The following PLCG1 variants were observed in gnomAD, a reference collection of about 807,000 sequenced individuals.
The protein encoded by PLCG1 is phospholipase C gamma 1, also known as 1-phosphatidylinositol 4,5-bisphosphate phosphodiesterase gamma-1.
PLCG1 carries 71 observed loss-of-function variants against 177.8 expected under a neutral mutation model. The ratio of observed to expected loss-of-function variants is 0.40; its 90% confidence interval spans 0.33 to 0.49. PLCG1 has a LOEUF of 0.49. Among genes scored for constraint, PLCG1 ranks in the 20% least tolerant of loss-of-function variants. The pLI, the probability that PLCG1 is intolerant of heterozygous loss-of-function variation, is 0.72. For missense variants in PLCG1, 1,281 were observed against 1,709.0 expected (o/e 0.75, Z 4.42); for synonymous variants, 658 against 647.9 (o/e 1.02, Z -0.24).
At position 41,167,582 on chromosome 20, in the gene PLCG1, CAG is replaced by C; in HGVS notation, c.2302-268_2302-267del. ...GTGAAGGGCCCACCTGCACATAGCT[CAG>C]AAATACTTGGGAGTTTGGGCATTTA... On this transcript the variant is annotated intron_variant, in intron 19 of 31. Coordinates refer to ENST00000685551, the MANE Select transcript of PLCG1 (RefSeq NM_002660.3). This position sits in a 1 kb window ranked among gnomAD's most constrained non-coding sequence, Gnocchi z 4.4. The C allele has an allele frequency of 2.0e-6, 1 of 490,130 alleles. No homozygotes were observed. Among genetic ancestry groups the C allele is most frequent in the South Asian group, 2.3e-5 (1 of 42,812 alleles). 30.4% of individuals were successfully genotyped at this position (490,130 alleles called of 1,614,324 possible).
intron 1 of PLCG1, among the ~76,000 whole-genome samples, chr20:41,145,150 A>G (rs1309836780): frequency 1.3e-5 from 2 of 152,166 alleles, no homozygotes; most frequent in African/African-American, 2.4e-5. Context: ...CCCACATATC[A>G]ATGGCTGGCA....
chr20:41,175,743 G>A lies in PLCG1; in HGVS notation c.*1234G>A, dbSNP rs930563273. ...TTTCCTTTGACTTGTATGCTCTTTC[G>A]GGGGCTCAGGAAAGCCTGTTGCATG... is the stretch of plus-strand genomic sequence containing the variant. On this transcript the variant is annotated 3_prime_UTR_variant, in exon 32 of 32. Transcript: ENST00000685551. 7 of 152,554 alleles carry A rather than the reference G, an allele frequency of 4.6e-5. 1 individual carries two copies. Among genetic ancestry groups the A allele is most frequent in the African/African-American group, 1.4e-4 (6 of 41,414 alleles). The allele number at this position is 152,554 out of a possible 1,614,324, so 9.5% of individuals were successfully genotyped here. A position where few individuals can be genotyped will look rare whatever the true frequency, so the allele number is the denominator to read the frequency against.
rs752941364 is a variant in PLCG1, at chr20:41,165,387, G to A, written c.1509+20G>A. The A allele has an allele frequency of 3.1e-6, 5 of 1,613,844 alleles. No homozygotes were observed. The Admixed American group carries it at 8.3e-5, about 27-fold the overall frequency. On this transcript the variant is annotated intron_variant, in intron 14 of 31. Coordinates refer to ENST00000685551, the MANE Select transcript of PLCG1 (RefSeq NM_002660.3). The surrounding 1 kb of genome is among the most constrained non-coding windows in gnomAD (Gnocchi z 6.6). ...AACCACGTGAGGACTGGGCCAGGCT[G>A]GGGGTGGTAGGCCAGTGGGTGTGAG...
chr20:41,169,152 G>A lies in PLCG1; in HGVS notation c.2557G>A (p.Val853Met), dbSNP rs753634028. The change falls in exon 22 of 32, where the codon GTG (valine) becomes ATG (methionine). Residue 853 changes from valine to methionine, a missense_variant. Transcript: ENST00000685551. ...SNYVEEMVNPVALEPEREHLD... is the reference protein window; with the variant it reads ...SNYVEEMVNPMALEPEREHLD... ...CTACGTGGAAGAGATGGTCAACCCC[G>A]TGGCCCTGGAGCCGGAGAGGGAGGT... 271 of 1,613,332 alleles carry A rather than the reference G, an allele frequency of 1.7e-4. No individual in the cohort carries two copies. The highest frequency in any genetic ancestry group is 8.3e-4 in the South Asian group (76 of 91,072).
rs557163739 is a variant in PLCG1, at chr20:41,147,779, C to T, written c.217+9921C>T. Reference sequence around the variant, plus strand: ...AGGATAATTGCTTGAACCCGGGAGGCAGAGGTTGCAGTGAGCCAAGATCGC... The same window carrying T: ...AGGATAATTGCTTGAACCCGGGAGGTAGAGGTTGCAGTGAGCCAAGATCGC... On this transcript the variant is annotated intron_variant, in intron 1 of 31. Transcript: ENST00000685551. The surrounding 1 kb of genome is among the most constrained non-coding windows in gnomAD (Gnocchi z 4.0). Among the ~76,000 whole-genome samples the T allele has an allele frequency of 4.6e-5, 7 of 152,010 alleles. No individual in the cohort carries two copies. The East Asian group carries it at 1.4e-3, about 29-fold the overall frequency.
At position 41,170,260 on chromosome 20, in the gene PLCG1, A is replaced by G. The variant is rs201119264; in HGVS notation, c.2799A>G (p.Ala933=). 9.9e-6 allele frequency: 16 copies of G among 1,613,972 alleles called. No individual in the cohort carries two copies. The change falls in exon 24 of 32, where the codon GCA becomes GCG. Residue 933 remains alanine (A), a synonymous_variant. Coordinates refer to ENST00000685551, the MANE Select transcript of PLCG1 (RefSeq NM_002660.3). The part of the protein sequence containing the change: ...VKKIREVAQT[A]DARLTEGKIM... ...AGATCCGTGAAGTGGCCCAGACAGCAGACGCCAGGGTGAGATTCTGCTGGA... is the reference window on the plus strand; with the variant it reads ...AGATCCGTGAAGTGGCCCAGACAGCGGACGCCAGGGTGAGATTCTGCTGGA...
Position 41,163,869 on chromosome 20 carries a change from C to T in PLCG1, c.1010+36C>T. On this transcript the variant is annotated intron_variant, in intron 10 of 31. Coordinates refer to ENST00000685551, the MANE Select transcript of PLCG1 (RefSeq NM_002660.3). The surrounding 1 kb of genome is among the most constrained non-coding windows in gnomAD (Gnocchi z 5.2). ...CTCCTTCAGGCCCACCCAGCTTCTT[C>T]CCCAGGAGGGCCCATCTGACCATAC... 8 of 1,608,020 alleles carry T rather than the reference C, an allele frequency of 5.0e-6. No individual in the cohort carries two copies. The highest frequency in any genetic ancestry group is 6.8e-6 in the Non-Finnish European group (8 of 1,174,496).
In PLCG1 at chr20:41,137,974, C is replaced by T. The variant is rs1349368748; in HGVS notation, c.217+116C>T. The T allele has an allele frequency of 6.1e-6, 4 of 652,472 alleles. No individual in the cohort carries two copies. The Admixed American group carries it at 1.3e-4, about 21-fold the overall frequency. 40.4% of individuals were successfully genotyped at this position (652,472 alleles called of 1,614,324 possible). A position where few individuals can be genotyped will look rare whatever the true frequency, so the allele number is the denominator to read the frequency against. On this transcript the variant is annotated intron_variant, in intron 1 of 31. Coordinates refer to ENST00000685551, the MANE Select transcript of PLCG1 (RefSeq NM_002660.3). This position sits in a 1 kb window ranked among gnomAD's most constrained non-coding sequence, Gnocchi z 7.3. ...CGACTTGGGCAAACTTTCGGGCCCTCCCAGACTCCCTCCGGGCCCCGCCCC... is the reference window on the plus strand; with the variant it reads ...CGACTTGGGCAAACTTTCGGGCCCTTCCAGACTCCCTCCGGGCCCCGCCCC...
chr20:41,149,894 A>G (rs895859850), intron 1 of PLCG1, among the ~76,000 whole-genome samples: 4 of 152,214 alleles, frequency 2.6e-5, no homozygotes, highest in Non-Finnish European at 4.4e-5. Context: ...AAGGAGGACC[A>G]TAGATAAGTG....
At chr20:41,152,886 G>A (rs2035209637) in intron 1 of PLCG1, among the ~76,000 whole-genome samples, 1 of 152,236 alleles carries the variant, frequency 6.6e-6, no homozygotes, top group Admixed American at 6.5e-5. Flanking sequence ...AGGTAGGAGT[G>A]GCTTGTGCAA....
intron 1 of PLCG1, among the ~76,000 whole-genome samples, chr20:41,149,286 C>T (rs1413542874): frequency 6.6e-6 from 1 of 152,046 alleles, no homozygotes; most frequent in African/African-American, 2.4e-5. Flanking sequence ...ACTTGTATTC[C>T]AAGTATCTAG....
rs968238485 is a variant in PLCG1, at chr20:41,153,651, C to T, written c.218-5955C>T. Among the ~76,000 whole-genome samples, 2 of 152,144 alleles carry T rather than the reference C, an allele frequency of 1.3e-5. No homozygotes were observed. The highest frequency in any genetic ancestry group is 2.9e-5 in the Non-Finnish European group (2 of 68,022). ...GTTGCTCATGCTTCTAATCCCAGCA[C>T]TTTGGGAGGCCGAGGCAGGCGAATC... is the stretch of plus-strand genomic sequence containing the variant. On this transcript the variant is annotated intron_variant, in intron 1 of 31. Coordinates refer to ENST00000685551, the MANE Select transcript of PLCG1 (RefSeq NM_002660.3). This position sits in a 1 kb window ranked among gnomAD's most constrained non-coding sequence, Gnocchi z 5.1.
At position 41,160,596 on chromosome 20, in the gene PLCG1, G is replaced by A. The variant is rs528872362; in HGVS notation, c.512+443G>A. Among the ~76,000 whole-genome samples, 1 of 152,318 alleles carries A rather than the reference G, an allele frequency of 6.6e-6. No individual in the cohort carries two copies. The highest frequency in any genetic ancestry group is 1.5e-5 in the Non-Finnish European group (1 of 68,022). ...GAAAGAAATGGGAAGCCATGGAAGG[G>A]TTCTGAGGAGAGGAGTGATGTGACC... On this transcript the variant is annotated intron_variant, in intron 4 of 31. Coordinates refer to ENST00000685551, the MANE Select transcript of PLCG1 (RefSeq NM_002660.3). This position sits in a 1 kb window ranked among gnomAD's most constrained non-coding sequence, Gnocchi z 5.5.
At position 41,173,420 on chromosome 20, in the gene PLCG1, G is replaced by T. The variant is rs1401103394; in HGVS notation, c.3280G>T (p.Val1094Leu). ...CAGGCCCTTCTTTGTCTGCCTACAG[G>T]TGCTGGGGGCCCGACATCTGCCAAA... ...GLEPCAISIE[V>L]LGARHLPKNG... Residue 1094 changes from valine to leucine, a missense_variant and splice_region_variant, in exon 28 of 32, where the codon GTG becomes TTG. Physicochemically the swap from Val to Leu is conservative, Grantham distance 32 (BLOSUM62 1). Transcript: ENST00000685551. This position sits in a 1 kb window ranked among gnomAD's most constrained non-coding sequence, Gnocchi z 6.2. 7 of 1,594,432 alleles carry T rather than the reference G, an allele frequency of 4.4e-6. No homozygotes were observed. The highest frequency in any genetic ancestry group is 1.7e-5 in the Admixed American group (1 of 58,900).
At position 41,165,287 on chromosome 20, in the gene PLCG1, A is replaced by G. The variant is rs770437583; in HGVS notation, c.1429A>G (p.Thr477Ala). ...GGGCAGTGCCTACGAGGAGGTGCCT[A>G]CATCCATGATGTACTCTGAGAACGA... is the stretch of plus-strand genomic sequence containing the variant. ...AEGSAYEEVP[T>A]SMMYSENDIS... The change falls in exon 14 of 32, where the codon ACA becomes GCA. Residue 477 changes from threonine (T) to alanine (A), a missense_variant. Coordinates refer to ENST00000685551, the MANE Select transcript of PLCG1 (RefSeq NM_002660.3). This position sits in a 1 kb window ranked among gnomAD's most constrained non-coding sequence, Gnocchi z 6.6. 9 of 1,614,138 alleles carry G rather than the reference A, an allele frequency of 5.6e-6. 1 individual carries two copies. In the South Asian group the frequency reaches 9.9e-5, roughly 18 times the overall value.
At chr20:41,170,449 G>C (rs1448925009) in intron 24 of PLCG1, 180 bp downstream of exon 24, 4 of 624,558 alleles carry the variant, frequency 6.4e-6, no homozygotes, top group Non-Finnish European at 1.1e-5. Context: ...GATGCAATGT[G>C]GTGTGTTTAG....
At chr20:41,158,386 A>T (rs922977840) in intron 1 of PLCG1, among the ~76,000 whole-genome samples, 2 of 152,176 alleles carry the variant, frequency 1.3e-5, no homozygotes, top group Admixed American at 1.3e-4. Flanking sequence ...ACTCAAAGAA[A>T]GTCATAGCTG....
chr20:41,157,330 G>T lies in PLCG1; in HGVS notation c.218-2276G>T, dbSNP rs1432038911. Among the ~76,000 whole-genome samples the T allele has an allele frequency of 1.3e-5, 2 of 151,880 alleles. No homozygotes were observed. Among genetic ancestry groups the T allele is most frequent in the African/African-American group, 4.8e-5 (2 of 41,398 alleles). On this transcript the variant is annotated intron_variant, in intron 1 of 31. Transcript: ENST00000685551. This position sits in a 1 kb window ranked among gnomAD's most constrained non-coding sequence, Gnocchi z 5.4. ...AGCAGACTGGTTTCTGTTTCAAAAG[G>T]CAGAGTTTGTGGTTGTTCTGCAGTT...
Position 41,170,213 on chromosome 20 carries a change from G to C in PLCG1, c.2752G>C (p.Glu918Gln). The change falls in exon 24 of 32, where the codon GAG becomes CAG. Residue 918 changes from glutamate (E) to glutamine (Q), a missense_variant. Physicochemically the swap from Glu to Gln is conservative, Grantham distance 29. Around this residue, in one of 4 missense-constraint regions of PLCG1, gnomAD observed 723 missense variants for 1,030.0 expected, o/e 0.70. Transcript: ENST00000685551. Reference sequence around the variant, plus strand: ...GGATGTTGCTGCCGACTCACAGGAGGAGCTGCAGGACTGGGTGAAAAAGAT... The same window carrying C: ...GGATGTTGCTGCCGACTCACAGGAGCAGCTGCAGGACTGGGTGAAAAAGAT... Reference protein sequence around the residue: ...SLDVAADSQEELQDWVKKIRE... With the variant: ...SLDVAADSQEQLQDWVKKIRE... The C allele has an allele frequency of 6.2e-7, 1 of 1,614,130 alleles. No homozygotes were observed. Among genetic ancestry groups the C allele is most frequent in the Non-Finnish European group, 8.5e-7 (1 of 1,180,000 alleles).
Sources: gnomAD v4.1 joint callset for allele counts (sites outside exome capture counted in the v4.1 genomes callset) on GRCh38, gnomAD v4.1.1 for gene constraint, gnomAD v4.1.1 regional missense constraint, Gnocchi (gnomAD v3.1) non-coding constraint, MANE v1.5 for transcripts, NCBI Gene and HGNC (gene_info 2026-07-23, HGNC 2026-07-21) for gene names.